PIP4K2A: variants seen among roughly 807,000 people sequenced by gnomAD.
PIP4K2A encodes the protein phosphatidylinositol-5-phosphate 4-kinase type 2 alpha.
PIP4K2A carries 14 observed loss-of-function variants against 42.9 expected under a neutral mutation model. The observed-to-expected ratio is 0.33, with a 90% confidence interval of 0.22 to 0.51. The LOEUF is 0.51. Among genes scored for constraint, PIP4K2A ranks in the 20% least tolerant of loss-of-function variants. The probability of loss-of-function intolerance (pLI) is 0.97; values close to 1 mark genes in which losing one functional copy is unlikely to be tolerated. For missense variants in PIP4K2A, 434 were observed against 519.8 expected (o/e 0.83, Z 1.61); for synonymous variants, 192 against 192.2 (o/e 1.00, Z 0.01).
chr10:22,651,046 C>T (rs2070647802), intron 1 of PIP4K2A, among the ~76,000 whole-genome samples: 1 of 152,196 alleles, frequency 6.6e-6, no homozygotes, highest in Admixed American at 6.5e-5. Flanking sequence ...ACTTCCACGA[C>T]CAATGGCTTT....
At chr10:22,609,816 G>A in intron 1 of PIP4K2A, 99 bp from the exon 2 acceptor site, 1 of 683,492 alleles carries the variant, frequency 1.5e-6, no homozygotes, top group South Asian at 1.8e-5. Context: ...GGTGGACACA[G>A]GAACTTCTCT....
At chr10:22,571,124 G>C (rs561530395) in intron 5 of PIP4K2A, among the ~76,000 whole-genome samples, 18 of 152,210 alleles carry the variant, frequency 1.2e-4, no homozygotes, top group Non-Finnish European at 2.5e-4. Flanking sequence ...GATTTCTTAA[G>C]AACTGTTTTC....
intron 3 of PIP4K2A, among the ~76,000 whole-genome samples, chr10:22,605,533 TTTCTC>T (rs1252227565): frequency 1.7e-4 from 26 of 152,348 alleles, no homozygotes; most frequent in African/African-American, 6.0e-4. Flanking sequence ...AAAAACTACT[TTTCTC>T]TGCTGCAGTG....
intron 1 of PIP4K2A, among the ~76,000 whole-genome samples, chr10:22,674,704 G>A (rs1195702184): frequency 2.0e-5 from 3 of 151,998 alleles, no homozygotes; most frequent in Non-Finnish European, 2.9e-5. Flanking sequence ...CACTTTGGGA[G>A]GCTAAACGTG....
chr10:22,566,700 G>C (rs1243627928), intron 6 of PIP4K2A, among the ~76,000 whole-genome samples: 1 of 151,590 alleles, frequency 6.6e-6, no homozygotes, highest in African/African-American at 2.4e-5. Flanking sequence ...TCATGCCCTT[G>C]CACCTGCCGC....
intron 5 of PIP4K2A, among the ~76,000 whole-genome samples, chr10:22,568,466 C>T (rs1334790466): frequency 6.6e-6 from 1 of 152,238 alleles, no homozygotes; most frequent in Non-Finnish European, 1.5e-5. Context: ...CCCACAGCCA[C>T]TCTCTGACCC....
rs555569660 is a variant in PIP4K2A at position 22,710,369 on chromosome 10, G to A, written c.144+3814C>T. Among the ~76,000 whole-genome samples, 19 of 152,348 alleles carry A rather than the reference G, an allele frequency of 1.2e-4. No individual in the cohort carries two copies. In the East Asian group the frequency reaches 2.5e-3, roughly 20 times the overall value. On this transcript the variant is annotated intron_variant, in intron 1 of 9. Transcript: ENST00000376573. ...CTTTCCCCAACGCCAACAGGCAAGC[G>A]CTGCCATGTTTTTATAACTGCTTAG...
chr10:22,612,235 G>A (rs1588662838), intron 1 of PIP4K2A, among the ~76,000 whole-genome samples: 1 of 152,334 alleles, frequency 6.6e-6, no homozygotes, highest in Middle Eastern at 3.4e-3. Context: ...TGGGGCTTAT[G>A]GTCCAGAGGG....
At chr10:22,693,385 C>T (rs974584361) in intron 1 of PIP4K2A, among the ~76,000 whole-genome samples, 1 of 152,040 alleles carries the variant, frequency 6.6e-6, no homozygotes. Flanking sequence ...ATTTCACCAT[C>T]ATCACTAAAA....
In PIP4K2A at chr10:22,541,926, T is replaced by C. The variant is rs1564412330; in HGVS notation, c.914A>G (p.Asp305Gly). The change falls in exon 8 of 10, where the codon GAT (aspartate) becomes GGT (glycine). Residue 305 changes from aspartate to glycine, a missense_variant. Transcript: ENST00000376573. ...ENDGEEEGES[D>G]GTHPVGTPPD... Reference sequence around the variant, plus strand: ...GGGGGTTCCCACCGGGTGGGTGCCATCGCTCTCGCCCTCCTCCTCCCCATC... The same window carrying C: ...GGGGGTTCCCACCGGGTGGGTGCCACCGCTCTCGCCCTCCTCCTCCCCATC... 6.2e-7 allele frequency: 1 copy of C among 1,614,098 alleles called. No individual in the cohort carries two copies. The highest frequency in any genetic ancestry group is 2.2e-5 in the East Asian group (1 of 44,870).
Position 22,586,361 on chromosome 10 carries a change from T to C in PIP4K2A, c.492+5268A>G, listed in dbSNP as rs1041000091. On this transcript the variant is annotated intron_variant, in intron 4 of 9. Coordinates refer to ENST00000376573, the MANE Select transcript of PIP4K2A (RefSeq NM_005028.5). ...AAAATCTAACTCCTCACGGCTGAAG[T>C]CTTCGTAATTCTGCATCAGTGCCAC... Among the ~76,000 whole-genome samples the C allele has an allele frequency of 2.0e-5, 3 of 152,122 alleles. No homozygotes were observed. The East Asian group carries it at 5.8e-4, about 29-fold the overall frequency.
At chr10:22,692,645 T>A (rs1839896290) in intron 1 of PIP4K2A, among the ~76,000 whole-genome samples, 1 of 152,156 alleles carries the variant, frequency 6.6e-6, no homozygotes. Flanking sequence ...GGGGCTTCAA[T>A]AGAGTACTAC....
intron 1 of PIP4K2A, among the ~76,000 whole-genome samples, chr10:22,621,738 A>G (rs1014804147): frequency 6.6e-6 from 1 of 152,266 alleles, no homozygotes; most frequent in Admixed American, 6.5e-5. Context: ...AAAACCTGTA[A>G]GACAATGGAG....
At chr10:22,684,855 A>G (rs1166539203) in intron 1 of PIP4K2A, among the ~76,000 whole-genome samples, 1 of 152,156 alleles carries the variant, frequency 6.6e-6, no homozygotes, top group Non-Finnish European at 1.5e-5. Context: ...GTGGGTCCTT[A>G]TAGCACTGCT....
chr10:22,559,282 C>T (rs1472446945), intron 6 of PIP4K2A, among the ~76,000 whole-genome samples: 1 of 152,202 alleles, frequency 6.6e-6, no homozygotes, highest in Non-Finnish European at 1.5e-5. Flanking sequence ...CTTCTCTCCA[C>T]CCCAACTTTT....
rs576135998 is a variant in PIP4K2A, at chr10:22,617,214, T to C, written c.145-7497A>G. On this transcript the variant is annotated intron_variant, in intron 1 of 9. Coordinates refer to ENST00000376573, the MANE Select transcript of PIP4K2A (RefSeq NM_005028.5). ...GCAATGAGTATCACTCCTGCAGATGTAAGACTAAATTCACACTGGCAGGAA... is the reference window on the plus strand; with the variant it reads ...GCAATGAGTATCACTCCTGCAGATGCAAGACTAAATTCACACTGGCAGGAA... Among the ~76,000 whole-genome samples, 6 of 152,346 alleles carry C rather than the reference T, an allele frequency of 3.9e-5. No individual in the cohort carries two copies. The South Asian group carries it at 6.2e-4, about 16-fold the overall frequency.
At chr10:22,649,968 C>G (rs1193619839) in intron 1 of PIP4K2A, among the ~76,000 whole-genome samples, 1 of 152,176 alleles carries the variant, frequency 6.6e-6, no homozygotes, top group Non-Finnish European at 1.5e-5. Flanking sequence ...GCAGGAACAC[C>G]CAGAGTTCAT....
chr10:22,630,685 G>A (rs1430805543), intron 1 of PIP4K2A, among the ~76,000 whole-genome samples: 2 of 152,176 alleles, frequency 1.3e-5, no homozygotes, highest in East Asian at 3.8e-4. Context: ...ACTTCAGAAT[G>A]AGCCACAAAG....
chr10:22,614,204 G>A (rs1359336938), intron 1 of PIP4K2A, among the ~76,000 whole-genome samples: 2 of 152,222 alleles, frequency 1.3e-5, no homozygotes, highest in Non-Finnish European at 2.9e-5. Context: ...CCAAGAGGTA[G>A]AGAATGTTTG....
Sources: allele counts gnomAD v4.1 joint callset (sites outside exome capture counted in the v4.1 genomes callset), GRCh38; gene constraint gnomAD v4.1.1; transcripts MANE v1.5; gene names NCBI Gene and HGNC (gene_info 2026-07-23, HGNC 2026-07-21).